Variants in GABRA2 observed in about 807,000 individuals in gnomAD.
GABRA2 encodes the protein gamma-aminobutyric acid receptor subunit alpha-2.
In GABRA2, 16 loss-of-function variants were observed where a neutral mutation model predicts 48.7. The ratio of observed to expected loss-of-function variants is 0.33; its 90% CI spans 0.22 to 0.50. The LOEUF (loss-of-function observed/expected upper bound fraction) is 0.50, where lower values mean the gene tolerates loss of function less well. Ranked by LOEUF, GABRA2 falls within the 20% of genes least tolerant of loss-of-function variation. The pLI is 0.98. For missense variants in GABRA2, 275 were observed against 535.6 expected, an observed-to-expected ratio of 0.51 and a Z score of 4.80; for synonymous variants, 185 against 184.5, an observed-to-expected ratio of 1.00 and a Z score of -0.02.
At chr4:46,282,375 A>G (rs1484015935) in intron 8 of GABRA2, among the ~76,000 whole-genome samples, 1 of 152,146 alleles carries the variant, frequency 6.6e-6, no homozygotes, top group African/African-American at 2.4e-5. Context: ...GGGACGGGAG[A>G]CATATCTGAG....
intron 9 of GABRA2, among the ~76,000 whole-genome samples, chr4:46,258,768 T>C (rs968756560): frequency 6.6e-6 from 1 of 151,780 alleles, no homozygotes; most frequent in African/African-American, 2.4e-5. Context: ...TTCTGGAGCA[T>C]AACAGTAAAA....
At chr4:46,340,403 A>C (rs1733016136) in intron 3 of GABRA2, among the ~76,000 whole-genome samples, 1 of 151,982 alleles carries the variant, frequency 6.6e-6, no homozygotes, top group Non-Finnish European at 1.5e-5. Context: ...AAGCTCTGGC[A>C]ACTGCTAATT....
chr4:46,244,629 A>G lies in GABRA2; in HGVS notation c.*5679T>C, dbSNP rs1302147390. Among the ~76,000 whole-genome samples, 1 of 151,542 alleles carries G rather than the reference A, an allele frequency of 6.6e-6. No individual in the cohort carries two copies. The highest frequency in any genetic ancestry group is 2.4e-5 in the African/African-American group (1 of 41,402). ...AGCCCAATGGGATTAAATGTTATGAAACGAACAATATGACAAATGAAAACA... is the reference window on the plus strand; with the variant it reads ...AGCCCAATGGGATTAAATGTTATGAGACGAACAATATGACAAATGAAAACA... On this transcript the variant is annotated 3_prime_UTR_variant, in exon 10 of 10. Transcript: ENST00000381620.
Position 46,390,057 on chromosome 4 carries a change from G to GC in GABRA2, c.-334_-333insG, listed in dbSNP as rs1216231714. On this transcript the variant is annotated 5_prime_UTR_variant, in exon 1 of 10. Transcript: ENST00000381620. ...AAAACGATGACAGGAGCTGGGGCCG[G>GC]GGGGGGAAATTGGGGGGACGCGGGC... 8.8e-6 allele frequency: 3 copies of GC among 340,110 alleles called. No homozygotes were observed. The highest frequency in any genetic ancestry group is 1.0e-3 in the East Asian group (2 of 1,960). 21.1% of individuals were successfully genotyped at this position (340,110 alleles called of 1,614,324 possible).
chr4:46,389,604 G>A, intron 1 of GABRA2, 131 bp downstream of exon 1: 2 of 476,112 alleles, frequency 4.2e-6, no homozygotes, highest in Non-Finnish European at 5.5e-6. Context: ...GGGGAGGAGG[G>A]AGGTGCGGGA....
At chr4:46,310,068 G>T (rs1207732447) in intron 6 of GABRA2, 105 bp downstream of exon 6, 12 of 737,666 alleles carry the variant, frequency 1.6e-5, no homozygotes, top group Admixed American at 2.0e-5. Context: ...ATTGACAATT[G>T]TCAATCATCT....
chr4:46,377,938 G>C (rs560045908), intron 3 of GABRA2, among the ~76,000 whole-genome samples: 11 of 150,916 alleles, frequency 7.3e-5, no homozygotes, highest in African/African-American at 2.7e-4. Context: ...CTACTGGGAA[G>C]TGAGGAGCCC....
At position 46,305,418 on chromosome 4, in the gene GABRA2, A is replaced by G. The variant is rs551702023; in HGVS notation, c.703+150T>C. 1.3e-3 allele frequency: 877 copies of G among 650,818 alleles called. 8 individuals carry two copies. The African/African-American group carries it at 0.014, about 11-fold the overall frequency. The allele number at this position is 650,818 out of a possible 1,614,324, so 40.3% of individuals were successfully genotyped here. A position where few individuals can be genotyped will look rare whatever the true frequency, so the allele number is the denominator to read the frequency against. ...CCCTAAAACTTAAAGTATAATTAAA[A>G]AAAAAAAAAACAAGCTCCCAAGCAC... On this transcript the variant is annotated intron_variant, in intron 7 of 9. Coordinates refer to ENST00000381620, the MANE Select transcript of GABRA2 (RefSeq NM_000807.4).
chr4:46,323,910 A>C (rs1433518539), intron 4 of GABRA2, among the ~76,000 whole-genome samples: 4 of 151,930 alleles, frequency 2.6e-5, no homozygotes, highest in African/African-American at 9.7e-5. Flanking sequence ...AACAGGAAAA[A>C]ACATGTGCAA....
intron 3 of GABRA2, among the ~76,000 whole-genome samples, chr4:46,348,424 G>T (rs1249091750): frequency 1.3e-5 from 2 of 151,858 alleles, no homozygotes; most frequent in Non-Finnish European, 2.9e-5. Flanking sequence ...CCCATTACTG[G>T]GCATATAACC....
intron 8 of GABRA2, among the ~76,000 whole-genome samples, chr4:46,279,873 T>C (rs1721184991): frequency 1.3e-5 from 2 of 152,110 alleles, no homozygotes; most frequent in Admixed American, 6.6e-5. Flanking sequence ...TAGTGGATTA[T>C]AGTGGAAACG....
chr4:46,300,050 A>G (rs1725470759), intron 8 of GABRA2, among the ~76,000 whole-genome samples: 1 of 151,994 alleles, frequency 6.6e-6, no homozygotes, highest in Non-Finnish European at 1.5e-5. Flanking sequence ...ATAATTATGT[A>G]TTAATAATAG....
At chr4:46,364,559 T>A (rs934063280) in intron 3 of GABRA2, 1 of 152,208 alleles carries the variant, frequency 6.6e-6, no homozygotes, top group Non-Finnish European at 1.5e-5. Context: ...AATCAGCTTC[T>A]AAGCTCTTTC....
intron 9 of GABRA2, among the ~76,000 whole-genome samples, chr4:46,252,497 G>A (rs1714972626): frequency 9.2e-6 from 1 of 108,114 alleles, no homozygotes; most frequent in South Asian, 5.5e-4. Context: ...CAAAAATGAA[G>A]GCTAAAAAAG....
rs1381427300 is a variant in GABRA2, at chr4:46,243,978, T to C, written c.*6330A>G. On this transcript the variant is annotated 3_prime_UTR_variant, in exon 10 of 10. Transcript: ENST00000381620. ...TGGAAACATTTCATGAAAGGTGATG[T>C]TCCTTAGTTTGAAGCACATCAAAAC... The C allele has an allele frequency of 6.6e-6, 1 of 151,548 alleles. No homozygotes were observed. Among genetic ancestry groups the C allele is most frequent in the Non-Finnish European group, 1.5e-5 (1 of 67,628 alleles). 9.4% of individuals were successfully genotyped at this position (151,548 alleles called of 1,614,324 possible).
chr4:46,388,304 C>T (rs543508381), intron 2 of GABRA2, among the ~76,000 whole-genome samples: 7 of 152,244 alleles, frequency 4.6e-5, no homozygotes, highest in African/African-American at 1.7e-4. Context: ...CGAAGGAAAA[C>T]TTGGCTTCCT....
intron 3 of GABRA2, among the ~76,000 whole-genome samples, chr4:46,336,150 A>G: frequency 6.6e-6 from 1 of 152,182 alleles, no homozygotes; most frequent in East Asian, 1.9e-4. Context: ...CACATGTTAC[A>G]TGCTGTATGT....
intron 4 of GABRA2, among the ~76,000 whole-genome samples, chr4:46,328,871 C>A (rs183960): frequency 0.53 from 80,078 of 151,796 alleles, 21,833 homozygotes; most frequent in African/African-American, 0.67. Flanking sequence ...TCCAGTAAAA[C>A]TAATATCAAC....
chr4:46,389,081 G>C, intron 1 of GABRA2: 2 of 1,012,896 alleles, frequency 2.0e-6, no homozygotes, highest in Non-Finnish European at 2.4e-6. Flanking sequence ...ATAGCAGCTG[G>C]AAAGGGAATG....
Sources: gnomAD v4.1 joint callset for allele counts (sites outside exome capture counted in the v4.1 genomes callset) on GRCh38, gnomAD v4.1.1 for gene constraint, MANE v1.5 for transcripts, NCBI Gene and HGNC (gene_info 2026-07-23, HGNC 2026-07-21) for gene names.